The following NRXN1 variants were observed in gnomAD, a reference collection of about 807,000 sequenced individuals.
The protein encoded by NRXN1 is neurexin-1.
NRXN1 carries 39 observed loss-of-function variants against 150.9 expected under a neutral mutation model. That is an observed-to-expected ratio of 0.26 (90% CI 0.20 to 0.34). NRXN1 has a LOEUF of 0.34. Ranked by LOEUF, NRXN1 falls within the 10% of genes least tolerant of loss-of-function variation. The pLI, the probability that NRXN1 is intolerant of heterozygous loss-of-function variation, is 1.00. For synonymous variants in NRXN1, 924 were observed against 757.0 expected (o/e 1.22, Z -3.62); for missense variants, 1,815 against 1,949.9 (o/e 0.93, Z 1.30).
chr2:50,061,981 C>T (rs1176714114), intron 19 of NRXN1, among the ~76,000 whole-genome samples: 1 of 151,850 alleles, frequency 6.6e-6, no homozygotes, highest in African/African-American at 2.4e-5. Flanking sequence ...GTAGTAATGC[C>T]ATTGCAACAA....
chr2:50,120,895 G>T (rs182663057), intron 18 of NRXN1, among the ~76,000 whole-genome samples: 1 of 152,292 alleles, frequency 6.6e-6, no homozygotes, highest in East Asian at 1.9e-4. Flanking sequence ...CATTTGATGA[G>T]ATCTGTTGAC....
intron 18 of NRXN1, among the ~76,000 whole-genome samples, chr2:50,202,399 G>A (rs1456051265): frequency 6.6e-6 from 1 of 151,998 alleles, no homozygotes; most frequent in East Asian, 1.9e-4. Context: ...CCAGCTACTC[G>A]GGAGACTAAG....
intron 17 of NRXN1, among the ~76,000 whole-genome samples, chr2:50,291,261 C>T (rs976504541): frequency 2.6e-5 from 4 of 152,128 alleles, no homozygotes; most frequent in East Asian, 1.9e-4. Context: ...TTCCCAGATG[C>T]ATGCATCTAT....
intron 5 of NRXN1, among the ~76,000 whole-genome samples, chr2:50,820,265 T>A (rs1441328020): frequency 6.6e-6 from 1 of 152,130 alleles, no homozygotes; most frequent in Non-Finnish European, 1.5e-5. Context: ...TGATAGTGTC[T>A]ATCTTTATTC....
chr2:50,146,918 T>C (rs982170960), intron 18 of NRXN1, among the ~76,000 whole-genome samples: 2 of 151,788 alleles, frequency 1.3e-5, no homozygotes, highest in African/African-American at 2.4e-5. Flanking sequence ...TTTGCATTTA[T>C]GCATTCTAAC....
intron 21 of NRXN1, among the ~76,000 whole-genome samples, chr2:49,954,512 A>C (rs1433028534): frequency 6.6e-6 from 1 of 152,164 alleles, no homozygotes; most frequent in East Asian, 1.9e-4. Context: ...CATATAAATG[A>C]ACAGATGAAC....
intron 19 of NRXN1, among the ~76,000 whole-genome samples, chr2:50,069,240 A>G (rs528259442): frequency 3.3e-4 from 51 of 152,322 alleles, no homozygotes; most frequent in Non-Finnish European, 4.0e-4. Flanking sequence ...TTTTTGCCCA[A>G]TAATGCTCCT....
chr2:50,063,866 C>A (rs1694945492), intron 19 of NRXN1, among the ~76,000 whole-genome samples: 1 of 152,022 alleles, frequency 6.6e-6, no homozygotes. Flanking sequence ...ATGGTAATTG[C>A]TTGTTAAGTA....
At chr2:50,024,785 T>A (rs1012753666) in intron 21 of NRXN1, among the ~76,000 whole-genome samples, 2 of 152,104 alleles carry the variant, frequency 1.3e-5, no homozygotes, top group Non-Finnish European at 2.9e-5. Context: ...TGACTACTTC[T>A]TGAATTTTTT....
chr2:49,946,284 T>C (rs1245237437), intron 21 of NRXN1, among the ~76,000 whole-genome samples: 2 of 152,222 alleles, frequency 1.3e-5, no homozygotes, highest in Non-Finnish European at 2.9e-5. Flanking sequence ...CTCTGGATAT[T>C]AGACCTTTGT....
At chr2:50,599,877 G>A (rs1051761499) in intron 8 of NRXN1, among the ~76,000 whole-genome samples, 5 of 152,022 alleles carry the variant, frequency 3.3e-5, no homozygotes, top group African/African-American at 1.2e-4. Flanking sequence ...CAGTTGATGG[G>A]GTGGATTTTA....
chr2:50,465,926 G>C (rs767534029), intron 16 of NRXN1, among the ~76,000 whole-genome samples: 3 of 151,792 alleles, frequency 2.0e-5, no homozygotes, highest in Non-Finnish European at 4.4e-5. Context: ...CCAATGAATA[G>C]AGACATAATG....
intron 18 of NRXN1, among the ~76,000 whole-genome samples, chr2:50,216,613 T>C (rs545296139): frequency 1.3e-5 from 2 of 152,014 alleles, no homozygotes; most frequent in Non-Finnish European, 2.9e-5. Context: ...GTTTTTTCTT[T>C]CTTATTTTTC....
chr2:51,028,186 C>A lies in NRXN1; in HGVS notation c.88G>T (p.Gly30Trp), dbSNP rs752126111. The change falls in exon 2 of 23, where the codon GGG becomes TGG. Residue 30 changes from glycine (G) to tryptophan (W), a missense_variant. Around this residue, in one of 6 missense-constraint regions of NRXN1, gnomAD observed 554 missense variants for 478.8 expected, o/e 1.16. Coordinates refer to ENST00000401669, the MANE Select transcript of NRXN1 (RefSeq NM_001330078.2). ...CCCTCGGCGCCCGGAAACTCCAGCC[C>A]GCTGCCCAGCTCCGCCCAGCAGCCC... is the stretch of plus-strand genomic sequence containing the variant. ...LLGCWAELGS[G>W]LEFPGAEGQW... 3 of 1,506,134 alleles carry A rather than the reference C, an allele frequency of 2.0e-6. No individual in the cohort carries two copies. Among genetic ancestry groups the A allele is most frequent in the East Asian group, 2.4e-5 (1 of 42,088 alleles). 93.3% of individuals were successfully genotyped at this position (1,506,134 alleles called of 1,614,324 possible). A position where few individuals can be genotyped will look rare whatever the true frequency, so the allele number is the denominator to read the frequency against.
intron 15 of NRXN1, among the ~76,000 whole-genome samples, chr2:50,486,862 T>C (rs1354995135): frequency 1.3e-5 from 2 of 152,134 alleles, no homozygotes; most frequent in African/African-American, 4.8e-5. Context: ...GCCCTCCTAG[T>C]CCTTTTTATG....
chr2:50,897,477 A>T (rs536364822), intron 5 of NRXN1, among the ~76,000 whole-genome samples: 1 of 152,350 alleles, frequency 6.6e-6, no homozygotes, highest in East Asian at 1.9e-4. Context: ...TGCTGAAGGG[A>T]TACAAAGAAT....
chr2:50,944,081 G>T (rs1440500953), intron 2 of NRXN1, among the ~76,000 whole-genome samples: 1 of 152,166 alleles, frequency 6.6e-6, no homozygotes, highest in Non-Finnish European at 1.5e-5. Flanking sequence ...GAATTAAAAA[G>T]GAACTTGTAG....
At chr2:49,999,824 G>A (rs1683608664) in intron 21 of NRXN1, among the ~76,000 whole-genome samples, 1 of 152,028 alleles carries the variant, frequency 6.6e-6, no homozygotes, top group South Asian at 2.1e-4. Context: ...AAAGGGCCTG[G>A]AATTAACTTA....
intron 12 of NRXN1, among the ~76,000 whole-genome samples, chr2:50,523,962 ACTCCAGAGTTTTTATTCTT>A (rs933928659): frequency 2.0e-5 from 3 of 152,146 alleles, no homozygotes; most frequent in Non-Finnish European, 2.9e-5. Context: ...ATTTTTTTTA[ACTCCAGAGTTTTTATTCTT>A]CTAAGAAGAC....
Sources: allele counts gnomAD v4.1 joint callset (sites outside exome capture counted in the v4.1 genomes callset), GRCh38; gene constraint gnomAD v4.1.1; regional missense constraint gnomAD v4.1.1; transcripts MANE v1.5; gene names NCBI Gene and HGNC (gene_info 2026-07-23, HGNC 2026-07-21).